The following ZNF423 variants were observed in gnomAD, a reference collection of about 807,000 sequenced individuals.
The protein encoded by ZNF423 is zinc finger protein 423, also known as Ebf-associated zinc finger protein.
Under a neutral mutation model 95.8 loss-of-function variants are expected in ZNF423, and 12 were observed. The observed-to-expected ratio is 0.13, with a 90% CI of 0.08 to 0.20. The LOEUF (loss-of-function observed/expected upper bound fraction) is 0.20, where lower values mean the gene tolerates loss of function less well. ZNF423 is among the 10% of genes least tolerant of loss of function. The probability of loss-of-function intolerance (pLI) is 1.00; values close to 1 mark genes in which losing one functional copy is unlikely to be tolerated. For missense variants in ZNF423, 1,316 were observed against 1,737.1 expected (o/e 0.76, Z 4.31); for synonymous variants, 749 against 711.9 (o/e 1.05, Z -0.83).
At chr16:49,773,321 A>C (rs1276213437) in intron 2 of ZNF423, among the ~76,000 whole-genome samples, 4 of 148,208 alleles carry the variant, frequency 2.7e-5, no homozygotes, top group Non-Finnish European at 6.0e-5. Flanking sequence ...TCCATCTCAC[A>C]AAAAAAAAAC....
intron 2 of ZNF423, among the ~76,000 whole-genome samples, chr16:49,747,571 A>T (rs2033551728): frequency 6.6e-6 from 1 of 152,086 alleles, no homozygotes; most frequent in Non-Finnish European, 1.5e-5. Context: ...GCACTCTGGC[A>T]CTCAGCTGGG....
intron 5 of ZNF423, among the ~76,000 whole-genome samples, chr16:49,610,536 G>A (rs1454770693): frequency 6.6e-6 from 1 of 151,856 alleles, no homozygotes; most frequent in Non-Finnish European, 1.5e-5. Context: ...GCTGTATCAA[G>A]AAATGAAAAC....
chr16:49,587,647 C>A (rs537825637), intron 5 of ZNF423, among the ~76,000 whole-genome samples: 2 of 151,908 alleles, frequency 1.3e-5, no homozygotes, highest in Non-Finnish European at 2.9e-5. Flanking sequence ...TTCAGACATG[C>A]CTGAGGACAA....
At chr16:49,755,508 T>G (rs2033710159) in intron 2 of ZNF423, among the ~76,000 whole-genome samples, 1 of 152,146 alleles carries the variant, frequency 6.6e-6, no homozygotes, top group African/African-American at 2.4e-5. Context: ...ATAATGACCC[T>G]CTTTCGCTAA....
chr16:49,618,139 C>T (rs1156686798), intron 5 of ZNF423, among the ~76,000 whole-genome samples: 3 of 152,216 alleles, frequency 2.0e-5, no homozygotes, highest in South Asian at 2.1e-4. Flanking sequence ...GCGCAGGCCC[C>T]GAGTCACACT....
chr16:49,573,047 A>C (rs765604941), intron 5 of ZNF423, among the ~76,000 whole-genome samples: 17 of 152,176 alleles, frequency 1.1e-4, no homozygotes, highest in Non-Finnish European at 1.2e-4. Context: ...GTGCGGAGTG[A>C]ATAAGCAAAT....
intron 2 of ZNF423, among the ~76,000 whole-genome samples, chr16:49,750,032 G>C (rs895041989): frequency 1.3e-5 from 2 of 152,202 alleles, no homozygotes; most frequent in African/African-American, 4.8e-5. Context: ...GACCTTGAAG[G>C]GAAGGCTGCC....
At chr16:49,769,534 C>T (rs1322852662) in intron 2 of ZNF423, among the ~76,000 whole-genome samples, 9 of 152,082 alleles carry the variant, frequency 5.9e-5, no homozygotes, top group Admixed American at 5.9e-4. Context: ...CTAGAGGGAC[C>T]TCTTCCAGAT....
chr16:49,563,129 C>T (rs1399498957), intron 5 of ZNF423, among the ~76,000 whole-genome samples: 1 of 152,162 alleles, frequency 6.6e-6, no homozygotes, highest in African/African-American at 2.4e-5. Flanking sequence ...GGATGTTTGA[C>T]CTCTCTAAAT....
At position 49,492,355 on chromosome 16, in the gene ZNF423, C is replaced by A. The variant is rs960434506; in HGVS notation, c.3850-1051G>T. Among the ~76,000 whole-genome samples the A allele has an allele frequency of 1.3e-5, 2 of 152,194 alleles. No individual in the cohort carries two copies. Among genetic ancestry groups the A allele is most frequent in the African/African-American group, 4.8e-5 (2 of 41,466 alleles). On this transcript the variant is annotated intron_variant, in intron 7 of 7. Transcript: ENST00000563137. This position sits in a 1 kb window ranked among gnomAD's most constrained non-coding sequence, Gnocchi z 4.2. ...CTTCTGGGCGCCCCCCAGGGCCCGG[C>A]GACTCCTGCAGCTGTGCCGCTGACC...
chr16:49,726,980 C>T (rs982643871), intron 3 of ZNF423, among the ~76,000 whole-genome samples: 7 of 151,776 alleles, frequency 4.6e-5, no homozygotes, highest in Middle Eastern at 3.5e-3. Context: ...CCCAAGCATG[C>T]GAACGTGTGG....
Position 49,525,379 on chromosome 16 carries a change from G to A in ZNF423, c.3717C>T (p.Cys1239=). The A allele has an allele frequency of 6.2e-7, 1 of 1,614,062 alleles. No individual in the cohort carries two copies. The highest frequency in any genetic ancestry group is 8.5e-7 in the Non-Finnish European group (1 of 1,179,952). The change falls in exon 6 of 8, where the codon TGC becomes TGT. Residue 1239 remains cysteine (C), a synonymous_variant. Transcript: ENST00000563137. The part of the protein sequence containing the change: ...SFEGMGGTFK[C]PVCFTVFVQA... ...GTACCTTACCTGTGAAACACACGGG[G>A]CATTTGAAGGTGCCGCCCATGCCCT...
intron 2 of ZNF423, among the ~76,000 whole-genome samples, chr16:49,783,740 C>A (rs1411009595): frequency 6.6e-6 from 1 of 151,916 alleles, no homozygotes; most frequent in Non-Finnish European, 1.5e-5. Context: ...GGAAGGCTGA[C>A]GCTTGCAGAT....
chr16:49,559,342 C>T (rs1969943133), intron 5 of ZNF423, among the ~76,000 whole-genome samples: 1 of 152,226 alleles, frequency 6.6e-6, no homozygotes, highest in South Asian at 2.1e-4. Context: ...AAAAGCAAAG[C>T]CTTCTCTGCT....
At chr16:49,671,770 C>T (rs1209374742) in intron 3 of ZNF423, among the ~76,000 whole-genome samples, 1 of 152,108 alleles carries the variant, frequency 6.6e-6, no homozygotes, top group African/African-American at 2.4e-5. Context: ...TAGCAACCTC[C>T]ACCTCCTGGG....
intron 1 of ZNF423, among the ~76,000 whole-genome samples, chr16:49,794,685 G>A (rs2034471431): frequency 6.6e-6 from 1 of 152,164 alleles, no homozygotes; most frequent in African/African-American, 2.4e-5. Context: ...GTGATTCCCA[G>A]ACCTGACCTT....
intron 7 of ZNF423, among the ~76,000 whole-genome samples, chr16:49,503,804 G>A (rs1385301562): frequency 1.3e-5 from 2 of 152,156 alleles, no homozygotes; most frequent in African/African-American, 4.8e-5. Flanking sequence ...AAAACTCAAC[G>A]AGTATTTCTG....
intron 3 of ZNF423, among the ~76,000 whole-genome samples, chr16:49,653,594 C>A (rs1388787735): frequency 1.3e-5 from 2 of 152,140 alleles, no homozygotes; most frequent in Admixed American, 6.5e-5. Context: ...ATCCCCTTTG[C>A]CACCTCCAGG....
intron 1 of ZNF423, among the ~76,000 whole-genome samples, chr16:49,840,124 C>G (rs1178648983): frequency 1.3e-5 from 2 of 152,286 alleles, no homozygotes; most frequent in Admixed American, 1.3e-4. Flanking sequence ...TCCTAAAAGC[C>G]TTGAAACCTA....
Sources: allele counts gnomAD v4.1 joint callset (sites outside exome capture counted in the v4.1 genomes callset), GRCh38; gene constraint gnomAD v4.1.1; non-coding constraint Gnocchi (gnomAD v3.1); transcripts MANE v1.5; gene names NCBI Gene and HGNC (gene_info 2026-07-23, HGNC 2026-07-21).